Variants in CTNNAL1 observed in about 807,000 individuals in gnomAD.
CTNNAL1 encodes catenin alpha like 1.
A neutral mutation model predicts 93.6 loss-of-function variants in CTNNAL1; 69 were observed. The ratio of observed to expected loss-of-function variants is 0.74; its 90% CI spans 0.61 to 0.90. The LOEUF (loss-of-function observed/expected upper bound fraction) is 0.90, where lower values mean the gene tolerates loss of function less well. CTNNAL1 is among the 40% of genes least tolerant of loss of function. CTNNAL1 has a pLI of 0.00. For missense variants in CTNNAL1, 836 were observed against 862.0 expected (o/e 0.97, Z 0.38); for synonymous variants, 286 against 305.4 (o/e 0.94, Z 0.66).
At chr9:108,963,917 C>T (rs541346245) in intron 11 of CTNNAL1, among the ~76,000 whole-genome samples, 27 of 152,218 alleles carry the variant, frequency 1.8e-4, no homozygotes, top group East Asian at 3.9e-4. Context: ...CACTTGGGCC[C>T]GGAGCAGGGA....
chr9:108,946,888 G>A (rs568462376), intron 15 of CTNNAL1, among the ~76,000 whole-genome samples: 15 of 151,922 alleles, frequency 9.9e-5, no homozygotes, highest in South Asian at 4.2e-4. Flanking sequence ...CCTACAGGGC[G>A]GTATGACAGA....
At chr9:108,950,702 T>C in intron 14 of CTNNAL1, 2 of 1,418,804 alleles carry the variant, frequency 1.4e-6, no homozygotes, top group Non-Finnish European at 1.9e-6. Flanking sequence ...CTTTTCAGTC[T>C]TTCTGGTGAC....
In CTNNAL1 at chr9:108,987,817, T is replaced by TG. The variant is rs1398516272; in HGVS notation, c.639+2908dup. On this transcript the variant is annotated intron_variant, in intron 4 of 18. Coordinates refer to ENST00000325551, the MANE Select transcript of CTNNAL1 (RefSeq NM_003798.4). ...TGTGAATGGGAGTTCACTCATGATT[T>TG]GGCTCTCTGTTTGTCTGTTATTGGT... is the stretch of plus-strand genomic sequence containing the variant. 2.0e-5 allele frequency among the ~76,000 whole-genome samples: 3 copies of TG among 152,352 alleles called. No homozygotes were observed. In the East Asian group the frequency reaches 5.8e-4, roughly 29 times the overall value.
At chr9:108,989,172 T>C (rs962734623) in intron 4 of CTNNAL1, among the ~76,000 whole-genome samples, 15 of 152,114 alleles carry the variant, frequency 9.9e-5, no homozygotes, top group African/African-American at 3.4e-4. Flanking sequence ...ATGGTGAAAG[T>C]TTTTCAGTTA....
chr9:108,955,161 T>G (rs1230683403), intron 12 of CTNNAL1, among the ~76,000 whole-genome samples: 1 of 152,036 alleles, frequency 6.6e-6, no homozygotes, highest in Non-Finnish European at 1.5e-5. Flanking sequence ...TGTTTTTGTA[T>G]TTTTAGTAGA....
intron 4 of CTNNAL1, among the ~76,000 whole-genome samples, chr9:108,986,559 G>A (rs1201648556): frequency 6.6e-6 from 1 of 151,762 alleles, no homozygotes; most frequent in East Asian, 1.9e-4. Flanking sequence ...GGGATGGCTG[G>A]GTCAAATGGT....
At chr9:108,954,139 A>G (rs1354584009) in intron 12 of CTNNAL1, among the ~76,000 whole-genome samples, 1 of 152,200 alleles carries the variant, frequency 6.6e-6, no homozygotes, top group Non-Finnish European at 1.5e-5. Context: ...AAAGGTAAAT[A>G]AACCATCTTA....
At chr9:108,950,739 A>AC in intron 14 of CTNNAL1, 1 of 1,059,916 alleles carries the variant, frequency 9.4e-7, no homozygotes, top group Non-Finnish European at 1.3e-6. Flanking sequence ...GAACACATTA[A>AC]CCCTTTCTTT....
At chr9:108,989,123 A>C (rs1014114076) in intron 4 of CTNNAL1, among the ~76,000 whole-genome samples, 3 of 152,296 alleles carry the variant, frequency 2.0e-5, no homozygotes, top group Non-Finnish European at 2.9e-5. Context: ...GAAAAATAAA[A>C]TGTTCTCCAT....
chr9:109,012,430 A>C (rs1827233350), intron 1 of CTNNAL1, among the ~76,000 whole-genome samples: 1 of 152,214 alleles, frequency 6.6e-6, no homozygotes, highest in Non-Finnish European at 1.5e-5. Context: ...TGAGTCACAC[A>C]TCGCCAACGC....
At chr9:108,972,928 AC>A in intron 8 of CTNNAL1, 95 bp from the exon 9 acceptor site, 1 of 1,371,520 alleles carries the variant, frequency 7.3e-7, no homozygotes, top group Non-Finnish European at 9.7e-7. Context: ...GTGACCAAGC[AC>A]CACATCAGCA....
chr9:109,007,949 T>C (rs971108498), intron 1 of CTNNAL1, among the ~76,000 whole-genome samples: 2 of 151,876 alleles, frequency 1.3e-5, no homozygotes, highest in Admixed American at 6.6e-5. Context: ...TGAACCTTTA[T>C]TTTTTTTCAC....
chr9:109,006,379 C>G (rs1418282685), intron 1 of CTNNAL1, among the ~76,000 whole-genome samples: 2 of 152,168 alleles, frequency 1.3e-5, no homozygotes, highest in East Asian at 3.8e-4. Flanking sequence ...TTTACAGATA[C>G]AAAATCTGAA....
intron 10 of CTNNAL1, among the ~76,000 whole-genome samples, chr9:108,968,154 A>C (rs1004762660): frequency 2.0e-5 from 3 of 152,224 alleles, no homozygotes; most frequent in African/African-American, 7.2e-5. Flanking sequence ...ACTAGTGTAC[A>C]AACTGTTCAA....
chr9:108,953,464 C>G (rs1830615833), intron 12 of CTNNAL1, among the ~76,000 whole-genome samples: 1 of 152,132 alleles, frequency 6.6e-6, no homozygotes, highest in South Asian at 2.1e-4. Context: ...CATACACACT[C>G]ACAAACACAC....
intron 11 of CTNNAL1, among the ~76,000 whole-genome samples, chr9:108,960,897 G>A (rs1043013797): frequency 1.3e-5 from 2 of 152,190 alleles, no homozygotes; most frequent in African/African-American, 4.8e-5. Context: ...AGGAAGACAA[G>A]TATTGATTTT....
chr9:108,972,864 G>GGGGGGGGCCGCCCCCCCCC, intron 8 of CTNNAL1, 31 bp from the exon 9 acceptor site: 1 of 142,582 alleles, frequency 7.0e-6, no homozygotes, highest in Non-Finnish European at 1.0e-5. Flanking sequence ...GGGGGGGTGG[G>GGGGGGGGCCGCCCCCCCCC]AGGGTGGAGA....
chr9:108,950,359 T>C, intron 14 of CTNNAL1: 3 of 851,068 alleles, frequency 3.5e-6, no homozygotes, highest in South Asian at 2.0e-5. Context: ...AATCACAGGA[T>C]AAGCTTGCTA....
intron 14 of CTNNAL1, among the ~76,000 whole-genome samples, chr9:108,949,223 T>G (rs1258980858): frequency 6.6e-6 from 1 of 152,144 alleles, no homozygotes; most frequent in African/African-American, 2.4e-5. Flanking sequence ...TGGAATGTCA[T>G]CACTACTATC....
Sources: allele counts gnomAD v4.1 joint callset (sites outside exome capture counted in the v4.1 genomes callset), GRCh38; gene constraint gnomAD v4.1.1; transcripts MANE v1.5; gene names NCBI Gene and HGNC (gene_info 2026-07-23, HGNC 2026-07-21).